Variants in KANK1 observed in about 807,000 individuals in gnomAD.
KANK1 encodes KN motif and ankyrin repeat domains 1.
KANK1 carries 109 observed loss-of-function variants against 106.2 expected under a neutral mutation model. That is an observed-to-expected ratio of 1.03 (90% CI 0.88 to 1.20). The LOEUF is 1.20. Ranked by LOEUF, KANK1 falls within the 50% of genes most tolerant of loss-of-function variation. The probability of loss-of-function intolerance (pLI) is 0.00; values close to 1 mark genes in which losing one functional copy is unlikely to be tolerated. For missense variants in KANK1, 2,399 were observed against 1,710.7 expected, an observed-to-expected ratio of 1.40 and a Z score of -7.10; for synonymous variants, 873 against 652.2, an observed-to-expected ratio of 1.34 and a Z score of -5.16.
In KANK1 at chr9:745,074, G is replaced by C. The variant is rs1440840011; in HGVS notation, c.3997-99G>C. ...GCTCTCCTGGCTCGGGCTCACAGCTGCTTGTTGCCTGTGGTGGGCCAAGAT... is the reference window on the plus strand; with the variant it reads ...GCTCTCCTGGCTCGGGCTCACAGCTCCTTGTTGCCTGTGGTGGGCCAAGAT... On this transcript the variant is annotated intron_variant, in intron 11 of 11. Coordinates refer to ENST00000382297, the MANE Select transcript of KANK1 (RefSeq NM_015158.5). 18 of 1,546,282 alleles carry C rather than the reference G, an allele frequency of 1.2e-5. No homozygotes were observed. The Admixed American group carries it at 1.6e-4, about 14-fold the overall frequency.
intron 2 of KANK1, among the ~76,000 whole-genome samples, chr9:697,466 T>C (rs1382330628): frequency 1.3e-5 from 2 of 152,120 alleles, no homozygotes; most frequent in African/African-American, 2.4e-5. Context: ...TTTGCAAGGA[T>C]AGTAATTGAG....
At chr9:505,796 C>T (rs2058729952) in intron 1 of KANK1, among the ~76,000 whole-genome samples, 1 of 152,246 alleles carries the variant, frequency 6.6e-6, no homozygotes, top group Admixed American at 6.5e-5. Context: ...GAAGCTTAAT[C>T]ATCCAGATGT....
chr9:647,054 C>G (rs531551004), intron 1 of KANK1, among the ~76,000 whole-genome samples: 1 of 151,160 alleles, frequency 6.6e-6, no homozygotes, highest in Non-Finnish European at 1.5e-5. Context: ...CTTTGAGTTA[C>G]TAGGCCTTCC....
intron 3 of KANK1, among the ~76,000 whole-genome samples, chr9:495,968 AAC>A (rs33961058): frequency 2.5e-4 from 37 of 149,546 alleles, no homozygotes; most frequent in East Asian, 1.2e-3. Context: ...AGCATAATTA[AAC>A]ACACACACAC....
intron 1 of KANK1, among the ~76,000 whole-genome samples, chr9:588,104 C>A (rs1823960704): frequency 6.6e-6 from 1 of 151,794 alleles, no homozygotes; most frequent in Non-Finnish European, 1.5e-5. Flanking sequence ...AATGACTTGC[C>A]CATGTTCACA....
intron 2 of KANK1, chr9:693,277 C>G (rs1820430888): frequency 5.0e-6 from 3 of 602,644 alleles, no homozygotes; most frequent in South Asian, 1.5e-4. Flanking sequence ...GCATAAAACT[C>G]AATCATTTCC....
chr9:623,025 A>C (rs1815916355), intron 1 of KANK1, among the ~76,000 whole-genome samples: 1 of 152,192 alleles, frequency 6.6e-6, no homozygotes, highest in African/African-American at 2.4e-5. Flanking sequence ...GTTACCTCAA[A>C]GCACAGGCAA....
chr9:551,415 G>A (rs575381350), intron 1 of KANK1, among the ~76,000 whole-genome samples: 50 of 151,976 alleles, frequency 3.3e-4, no homozygotes, highest in Non-Finnish European at 7.2e-4. Context: ...CAGAGGGTCC[G>A]CAGTTGTTTT....
chr9:623,651 A>T (rs1833704020), intron 1 of KANK1, among the ~76,000 whole-genome samples: 1 of 152,122 alleles, frequency 6.6e-6, no homozygotes, highest in Non-Finnish European at 1.5e-5. Flanking sequence ...GGTGCTTGAC[A>T]TCACTAATCA....
intron 3 of KANK1, among the ~76,000 whole-genome samples, chr9:481,856 A>G (rs80137023): frequency 3.2e-4 from 49 of 152,032 alleles, no homozygotes; most frequent in South Asian, 2.7e-3. Context: ...AAAAAAAAAA[A>G]TAAAGGATGA....
intron 3 of KANK1, among the ~76,000 whole-genome samples, chr9:480,068 A>T (rs1204183227): frequency 6.6e-6 from 1 of 152,238 alleles, no homozygotes; most frequent in East Asian, 1.9e-4. Flanking sequence ...TTCCCTTAAA[A>T]CAGAAACACA....
rs575123370 is a variant in KANK1 at position 494,553 on chromosome 9, T to C, written c.-362+21280T>C. ...GATTAGATTATAAAAGGCATTGTGC[T>C]ACCATCTTGGTCATTCTAACTTTCT... On this transcript the variant is annotated intron_variant, in intron 3 of 15. Transcript: ENST00000382303. Among the ~76,000 whole-genome samples, 58 of 152,042 alleles carry C rather than the reference T, an allele frequency of 3.8e-4. 1 individual carries two copies. Among genetic ancestry groups the C allele is most frequent in the African/African-American group, 1.3e-3 (55 of 41,286 alleles).
intron 3 of KANK1, among the ~76,000 whole-genome samples, chr9:493,265 A>C (rs1244450646): frequency 6.6e-6 from 1 of 152,102 alleles, no homozygotes; most frequent in Non-Finnish European, 1.5e-5. Context: ...CTTGGTCTGG[A>C]GAAAACCAGC....
chr9:560,497 G>A (rs1010651378), intron 1 of KANK1, among the ~76,000 whole-genome samples: 5 of 152,206 alleles, frequency 3.3e-5, no homozygotes, highest in African/African-American at 1.2e-4. Flanking sequence ...TTGGATTGTG[G>A]GCAGGATGTA....
chr9:573,454 T>C (rs979224300), intron 1 of KANK1, among the ~76,000 whole-genome samples: 23 of 151,964 alleles, frequency 1.5e-4, no homozygotes, highest in African/African-American at 5.3e-4. Flanking sequence ...GTATTTTTAG[T>C]AGAAATAGGG....
intron 2 of KANK1, among the ~76,000 whole-genome samples, chr9:680,622 A>G (rs561430580): frequency 6.6e-6 from 1 of 152,310 alleles, no homozygotes; most frequent in Admixed American, 6.5e-5. Flanking sequence ...GCAGTGAACC[A>G]AAGAGGCAAA....
intron 1 of KANK1, among the ~76,000 whole-genome samples, chr9:628,960 A>G (rs60780994): frequency 0.051 from 7,643 of 149,358 alleles, 587 homozygotes; most frequent in East Asian, 0.22. Context: ...GGCGCCTGTA[A>G]TCCCAGCTAC....
upstream of KANK1, among the ~76,000 whole-genome samples, chr9:500,251 C>T (rs1166763306): frequency 6.6e-6 from 1 of 152,182 alleles, no homozygotes; most frequent in Non-Finnish European, 1.5e-5. Flanking sequence ...TCAAACATCT[C>T]TCATGAAGCA....
intron 1 of KANK1, among the ~76,000 whole-genome samples, chr9:648,398 G>C: frequency 6.6e-6 from 1 of 152,010 alleles, no homozygotes; most frequent in Non-Finnish European, 1.5e-5. Context: ...AAACTATGCC[G>C]TATATGTATA....
Sources: gnomAD v4.1 joint callset for allele counts (sites outside exome capture counted in the v4.1 genomes callset) on GRCh38, gnomAD v4.1.1 for gene constraint, MANE v1.5 for transcripts, NCBI Gene and HGNC (gene_info 2026-07-23, HGNC 2026-07-21) for gene names.